Variants in COLEC10 observed in about 807,000 individuals in gnomAD.
COLEC10 encodes collectin subfamily member 10.
A neutral mutation model predicts 28.4 loss-of-function variants in COLEC10; 22 were observed. The ratio of observed to expected loss-of-function variants is 0.78; its 90% CI spans 0.55 to 1.11. The LOEUF (loss-of-function observed/expected upper bound fraction) is 1.11. Ranked by LOEUF, COLEC10 falls within the 50% of genes least tolerant of loss-of-function variation. The probability of loss-of-function intolerance (pLI) is 0.00; values close to 1 mark genes in which losing one functional copy is unlikely to be tolerated. For missense variants in COLEC10, 361 were observed against 344.1 expected (o/e 1.05, Z -0.39); for synonymous variants, 125 against 116.1 (o/e 1.08, Z -0.49).
chr8:119,050,220 C>T (rs1814653406), intron 2 of COLEC10, among the ~76,000 whole-genome samples: 1 of 152,094 alleles, frequency 6.6e-6, no homozygotes, highest in African/African-American at 2.4e-5. Flanking sequence ...TTGAAAGGCT[C>T]TTGTAATTTA....
At chr8:119,066,090 A>C (rs940093419), upstream of COLEC10, among the ~76,000 whole-genome samples, 2 of 152,092 alleles carry the variant, frequency 1.3e-5, no homozygotes. Flanking sequence ...TCTTGGATTG[A>C]TGGTTACTTG....
intron 2 of COLEC10, among the ~76,000 whole-genome samples, chr8:119,061,724 T>A (rs554875745): frequency 7.7e-4 from 117 of 151,964 alleles, no homozygotes; most frequent in Non-Finnish European, 1.4e-3. Context: ...CTAGAAGACA[T>A]ACTATATTAA....
upstream of COLEC10, among the ~76,000 whole-genome samples, chr8:119,064,312 CAGAATAT>C (rs1267870528): frequency 6.6e-6 from 1 of 151,946 alleles, no homozygotes; most frequent in Non-Finnish European, 1.5e-5. Context: ...AGGAGGGGGG[CAGAATAT>C]GCCAAGAAAA....
At chr8:119,087,679 C>G (rs60049650) in intron 1 of COLEC10, among the ~76,000 whole-genome samples, 10,621 of 152,050 alleles carry the variant, frequency 0.07, 1,192 homozygotes, top group African/African-American at 0.24. Flanking sequence ...CTGCAACCCC[C>G]CTTTTTGCCC....
At chr8:118,999,799 G>T (rs1005074776) in intron 1 of COLEC10, among the ~76,000 whole-genome samples, 13 of 152,108 alleles carry the variant, frequency 8.5e-5, no homozygotes, top group African/African-American at 2.2e-4. Context: ...TAAAATGTTG[G>T]CAATGCTGAT....
the COLEC10 span, among the ~76,000 whole-genome samples, chr8:118,960,307 G>A: frequency 6.6e-6 from 1 of 152,152 alleles, no homozygotes; most frequent in Non-Finnish European, 1.5e-5. Context: ...AATTCCAGGT[G>A]CTATTGTTTT....
At chr8:118,985,228 A>G in the COLEC10 span, among the ~76,000 whole-genome samples, 1 of 152,100 alleles carries the variant, frequency 6.6e-6, no homozygotes, top group African/African-American at 2.4e-5. Flanking sequence ...GAACTTTGCT[A>G]TAGCAGCCCT....
intron 2 of COLEC10, among the ~76,000 whole-genome samples, chr8:119,029,747 A>G (rs1402084084): frequency 6.6e-6 from 1 of 152,198 alleles, no homozygotes; most frequent in African/African-American, 2.4e-5. Flanking sequence ...ATAGTTCTAC[A>G]TAAAGTGACT....
chr8:119,081,567 A>C (rs1403921677), intron 1 of COLEC10, among the ~76,000 whole-genome samples: 1 of 152,170 alleles, frequency 6.6e-6, no homozygotes, highest in Non-Finnish European at 1.5e-5. Flanking sequence ...ATTGAAAATG[A>C]AAAAAATGTT....
chr8:119,061,186 C>T (rs952648966), intron 2 of COLEC10, among the ~76,000 whole-genome samples: 2 of 151,904 alleles, frequency 1.3e-5, no homozygotes, highest in Non-Finnish European at 2.9e-5. Flanking sequence ...AGTTGAAAGA[C>T]ATGAGTGGAG....
intron 4 of COLEC10, 21 bp downstream of exon 4, chr8:119,102,422 T>C: frequency 6.4e-7 from 1 of 1,574,286 alleles, no homozygotes; most frequent in Non-Finnish European, 8.6e-7. Context: ...TTCAATGTTC[T>C]CTTTGATTTC....
At chr8:119,099,573 T>C (rs1354185893) in intron 3 of COLEC10, among the ~76,000 whole-genome samples, 2 of 150,386 alleles carry the variant, frequency 1.3e-5, no homozygotes, top group East Asian at 1.9e-4. Context: ...GGAGCTTTCA[T>C]CATCTTTCAT....
the COLEC10 span, among the ~76,000 whole-genome samples, chr8:118,975,404 T>C: frequency 2.0e-5 from 3 of 152,046 alleles, no homozygotes; most frequent in African/African-American, 7.2e-5. Flanking sequence ...TGTGACTAAG[T>C]TTCTTGTGTA....
At chr8:119,039,045 G>A (rs1024792845) in intron 2 of COLEC10, among the ~76,000 whole-genome samples, 3 of 151,962 alleles carry the variant, frequency 2.0e-5, no homozygotes, top group Non-Finnish European at 4.4e-5. Flanking sequence ...CAAGATCAGG[G>A]CTCACAGTCT....
At chr8:119,037,685 G>C (rs1036975850) in intron 2 of COLEC10, among the ~76,000 whole-genome samples, 1 of 152,156 alleles carries the variant, frequency 6.6e-6, no homozygotes, top group Non-Finnish European at 1.5e-5. Flanking sequence ...TCTATGGGAG[G>C]TTTCCATTTC....
chr8:119,082,675 C>A (rs1815392142), intron 1 of COLEC10, among the ~76,000 whole-genome samples: 1 of 152,182 alleles, frequency 6.6e-6, no homozygotes, highest in Non-Finnish European at 1.5e-5. Flanking sequence ...TGACGAGGTA[C>A]AAGAAGTTCA....
intron 2 of COLEC10, among the ~76,000 whole-genome samples, chr8:119,032,845 T>C (rs1814315972): frequency 6.6e-6 from 1 of 152,290 alleles, no homozygotes; most frequent in African/African-American, 2.4e-5. Flanking sequence ...GAGCTTGCAG[T>C]GAGCTGAGAT....
At chr8:119,055,514 CA>C (rs1176019640) in intron 2 of COLEC10, among the ~76,000 whole-genome samples, 1 of 152,016 alleles carries the variant, frequency 6.6e-6, no homozygotes, top group Non-Finnish European at 1.5e-5. Context: ...ATACTCATCC[CA>C]GGAGCAAAAT....
At chr8:118,970,923 A>G in the COLEC10 span, among the ~76,000 whole-genome samples, 1 of 151,954 alleles carries the variant, frequency 6.6e-6, no homozygotes, top group Non-Finnish European at 1.5e-5. Flanking sequence ...TTTACAGTCC[A>G]TGCTTTTTCT....
Sources: gnomAD v4.1 joint callset for allele counts (sites outside exome capture counted in the v4.1 genomes callset) on GRCh38, gnomAD v4.1.1 for gene constraint, MANE v1.5 for transcripts, NCBI Gene and HGNC (gene_info 2026-07-23, HGNC 2026-07-21) for gene names.